Variants in LYRM9 observed in about 807,000 individuals in gnomAD.
LYRM9 encodes the protein LYR motif-containing protein 9.
LYRM9 carries 14 observed loss-of-function variants against 12.6 expected under a neutral mutation model. The observed-to-expected ratio is 1.11, with a 90% CI of 0.73 to 1.73. The LOEUF (loss-of-function observed/expected upper bound fraction) is 1.73, where lower values mean the gene tolerates loss of function less well. Ranked by LOEUF, LYRM9 falls within the 40% of genes most tolerant of loss-of-function variation. LYRM9 has a pLI of 0.00. For synonymous variants in LYRM9, 42 were observed against 35.1 expected, an observed-to-expected ratio of 1.20 and a Z score of -0.69; for missense variants, 94 against 95.0, an observed-to-expected ratio of 0.99 and a Z score of 0.04.
rs576292228 is a variant in LYRM9, at chr17:27,881,437, AT to A, written c.127-1072del. Among the ~76,000 whole-genome samples, 563 of 133,734 alleles carry A rather than the reference AT, an allele frequency of 4.2e-3. 1 individual carries two copies. Among genetic ancestry groups the A allele is most frequent in the Middle Eastern group, 0.012 (3 of 260 alleles). 87.7% of individuals were successfully genotyped at this position (133,734 alleles called of 152,430 possible). On this transcript the variant is annotated intron_variant, in intron 2 of 3. Transcript: ENST00000379102. ...CCCTCTGTGGCTACCGCCACCTCTGATTTTTTTTTTTTTTTACTTTCCATAT... is the reference window on the plus strand; with the variant it reads ...CCCTCTGTGGCTACCGCCACCTCTGATTTTTTTTTTTTTTACTTTCCATAT...
chr17:27,880,456 G>A (rs1905012859), intron 2 of LYRM9, 90 bp from the exon 3 acceptor site: 1 of 860,006 alleles, frequency 1.2e-6, no homozygotes, highest in Non-Finnish European at 1.9e-6. Context: ...GGACACTGCT[G>A]GGCACTTTAT....
At chr17:27,888,504 G>A (rs772467751) in intron 1 of LYRM9, among the ~76,000 whole-genome samples, 3 of 152,226 alleles carry the variant, frequency 2.0e-5, no homozygotes, top group African/African-American at 7.2e-5. Context: ...TTATAAGACC[G>A]ATGTGGTTAT....
Position 27,879,431 on chromosome 17 carries a change from C to A in LYRM9, c.*42G>T. The A allele has an allele frequency of 6.5e-7, 1 of 1,546,056 alleles. No individual in the cohort carries two copies. Among genetic ancestry groups the A allele is most frequent in the South Asian group, 1.2e-5 (1 of 83,380 alleles). On this transcript the variant is annotated 3_prime_UTR_variant, in exon 4 of 4. Coordinates refer to ENST00000379102, the MANE Select transcript of LYRM9 (RefSeq NM_001076680.3). Reference sequence around the variant, plus strand: ...TGCTGCTGAGCTCCAGAAGAGGGGCCTCTCAACTTCCAGAGGCCAGGAAGG... The same window carrying A: ...TGCTGCTGAGCTCCAGAAGAGGGGCATCTCAACTTCCAGAGGCCAGGAAGG...
rs1905279439 is a variant in LYRM9 at position 27,887,716 on chromosome 17, GTGTGTGTGT to G, written c.-18-5013_-18-5005del. 4.4e-3 allele frequency among the ~76,000 whole-genome samples: 515 copies of G among 115,788 alleles called. 7 individuals carry two copies. The highest frequency in any genetic ancestry group is 0.024 in the Middle Eastern group (6 of 248). 76.0% of individuals were successfully genotyped at this position (115,788 alleles called of 152,430 possible). A position where few individuals can be genotyped will look rare whatever the true frequency, so the allele number is the denominator to read the frequency against. On this transcript the variant is annotated intron_variant, in intron 1 of 3. Transcript: ENST00000379102. The stretch of plus-strand genomic sequence containing the variant: ...AAACAGAACCTATAGGAGGGAGGGT[GTGTGTGTGT>G]GTGTGTGTGTGTGTGTGTGTGTGTG...
At position 27,878,541 on chromosome 17, in the gene LYRM9, T is replaced by G. The variant is rs1295643926; in HGVS notation, c.*932A>C. ...GCTTCTCTCTGCATCTTCTGGCCAC[T>G]CTGGCCGTTCTCCCTGAGCCCACCC... On this transcript the variant is annotated 3_prime_UTR_variant, in exon 4 of 4. Coordinates refer to ENST00000379102, the MANE Select transcript of LYRM9 (RefSeq NM_001076680.3). 6.6e-6 allele frequency: 1 copy of G among 152,280 alleles called. No homozygotes were observed. Among genetic ancestry groups the G allele is most frequent in the African/African-American group, 2.4e-5 (1 of 41,454 alleles). The allele number at this position is 152,280 out of a possible 1,614,324, so 9.4% of individuals were successfully genotyped here. A position where few individuals can be genotyped will look rare whatever the true frequency, so the allele number is the denominator to read the frequency against.
At chr17:27,890,778 G>A (rs934931883) in intron 1 of LYRM9, among the ~76,000 whole-genome samples, 1 of 152,162 alleles carries the variant, frequency 6.6e-6, no homozygotes, top group Non-Finnish European at 1.5e-5. Flanking sequence ...GCCTGCACAG[G>A]CCATTTTTTA....
chr17:27,891,800 T>A (rs1176140043), intron 1 of LYRM9: 2 of 152,322 alleles, frequency 1.3e-5, no homozygotes, highest in Non-Finnish European at 2.9e-5. Flanking sequence ...TCTCTGGACT[T>A]CTGCTTCCCC....
rs866704500 is a variant in LYRM9 at position 27,879,269 on chromosome 17, G to T, written c.*204C>A. 6 of 442,270 alleles carry T rather than the reference G, an allele frequency of 1.4e-5. No individual in the cohort carries two copies. The highest frequency in any genetic ancestry group is 2.4e-5 in the Non-Finnish European group (6 of 254,280). The allele number at this position is 442,270 out of a possible 1,614,324, so 27.4% of individuals were successfully genotyped here. On this transcript the variant is annotated 3_prime_UTR_variant, in exon 4 of 4. Coordinates refer to ENST00000379102, the MANE Select transcript of LYRM9 (RefSeq NM_001076680.3). ...CTACATTCTCCCCAAATTTCACATC[G>T]TAAGTGGCTGGAAGTGCAAACATAA...
Position 27,879,384 on chromosome 17 carries a change from A to G in LYRM9, c.*89T>C, listed in dbSNP as rs989119568. 7.0e-6 allele frequency: 10 copies of G among 1,430,842 alleles called. No homozygotes were observed. The African/African-American group carries it at 1.3e-4, about 19-fold the overall frequency. The allele number at this position is 1,430,842 out of a possible 1,614,324, so 88.6% of individuals were successfully genotyped here. ...TTCTGGCTTTCAGCCAACAAGGCCA[A>G]TGGCTCTTCCAAACCAGCTGCTGCT... On this transcript the variant is annotated 3_prime_UTR_variant, in exon 4 of 4. Coordinates refer to ENST00000379102, the MANE Select transcript of LYRM9 (RefSeq NM_001076680.3).
Position 27,880,380 on chromosome 17 carries a change from C to A in LYRM9, c.127-14G>T. 1 of 1,587,642 alleles carries A rather than the reference C, an allele frequency of 6.3e-7. No homozygotes were observed. The highest frequency in any genetic ancestry group is 1.1e-5 in the South Asian group (1 of 87,322). On this transcript the variant is annotated splice_polypyrimidine_tract_variant and intron_variant, in intron 2 of 3. Coordinates refer to ENST00000379102, the MANE Select transcript of LYRM9 (RefSeq NM_001076680.3). ...AACCCGAAAACTCTGCAAGTTTAAG[C>A]ATAAAGAAAGATGACTAGGCAAAAT...
chr17:27,879,242 T>A lies in LYRM9; in HGVS notation c.*231A>T. On this transcript the variant is annotated 3_prime_UTR_variant, in exon 4 of 4. Transcript: ENST00000379102. ...AAAACACACAAAAGAAGCAAAAAAA[T>A]ACTACATTCTCCCCAAATTTCACAT... 4.6e-6 allele frequency: 2 copies of A among 435,796 alleles called. No homozygotes were observed. The highest frequency in any genetic ancestry group is 3.7e-5 in the East Asian group (1 of 26,804). 27.0% of individuals were successfully genotyped at this position (435,796 alleles called of 1,614,324 possible).
intron 1 of LYRM9, among the ~76,000 whole-genome samples, chr17:27,890,299 T>C (rs1024713062): frequency 6.6e-6 from 1 of 152,078 alleles, no homozygotes; most frequent in African/African-American, 2.4e-5. Flanking sequence ...TGCACTATTA[T>C]CCAGTACTCC....
intron 3 of LYRM9, 140 bp downstream of exon 3, chr17:27,880,134 G>A (rs1169778549): frequency 2.7e-6 from 2 of 729,820 alleles, no homozygotes; most frequent in South Asian, 1.5e-5. Flanking sequence ...TCAGCTTCTG[G>A]AGGAGGGAAG....
intron 3 of LYRM9, 197 bp downstream of exon 3, chr17:27,880,077 C>T (rs1904993560): frequency 2.8e-6 from 2 of 702,410 alleles, no homozygotes; most frequent in African/African-American, 1.8e-5. Flanking sequence ...GAGCCCCTCC[C>T]CACTTGCAGA....
chr17:27,880,641 C>T, intron 2 of LYRM9: 2 of 500,370 alleles, frequency 4.0e-6, no homozygotes, highest in South Asian at 4.9e-5. Context: ...CAAGTTACTG[C>T]CAAATCAAGC....
intron 3 of LYRM9, chr17:27,879,699 C>T (rs1250547232): frequency 1.8e-6 from 1 of 570,410 alleles, no homozygotes; most frequent in South Asian, 2.2e-5. Context: ...AGGAAGCTGA[C>T]AGGGCTGGGG....
intron 1 of LYRM9, among the ~76,000 whole-genome samples, chr17:27,890,976 C>G (rs1378484615): frequency 2.6e-5 from 4 of 151,974 alleles, no homozygotes; most frequent in African/African-American, 7.2e-5. Context: ...TCCCCTCACC[C>G]CCTCCCTGCC....
rs1357070419 is a variant in LYRM9 at position 27,883,640 on chromosome 17, ACTC to A, written c.-18-931_-18-929del. On this transcript the variant is annotated intron_variant, in intron 1 of 3. Coordinates refer to ENST00000379102, the MANE Select transcript of LYRM9 (RefSeq NM_001076680.3). ...ACTCCAGCCTGGGTGACAAAGCAAG[ACTC>A]CAACTCAAAAAAAAAAAAAAAGAGA... 2.1e-5 allele frequency among the ~76,000 whole-genome samples: 3 copies of A among 143,320 alleles called. No individual in the cohort carries two copies. The East Asian group carries it at 6.1e-4, about 29-fold the overall frequency. 94.0% of individuals were successfully genotyped at this position (143,320 alleles called of 152,430 possible).
At chr17:27,883,837 A>T (rs1214271245) in intron 1 of LYRM9, among the ~76,000 whole-genome samples, 1 of 95,278 alleles carries the variant, frequency 1.0e-5, no homozygotes, top group African/African-American at 4.8e-5. Flanking sequence ...CCTTTTTCTA[A>T]AAAAAAAAAA....
Sources: allele counts gnomAD v4.1 joint callset (sites outside exome capture counted in the v4.1 genomes callset), GRCh38; gene constraint gnomAD v4.1.1; transcripts MANE v1.5; gene names NCBI Gene and HGNC (gene_info 2026-07-23, HGNC 2026-07-21).